The following HAGH variants were observed in gnomAD, a reference collection of about 807,000 sequenced individuals.
The protein encoded by HAGH is hydroxyacylglutathione hydrolase, also known as hydroxyacylglutathione hydrolase, mitochondrial.
HAGH carries 29 observed loss-of-function variants against 35.1 expected under a neutral mutation model. The ratio of observed to expected loss-of-function variants is 0.83; its 90% CI spans 0.62 to 1.13. HAGH has a LOEUF of 1.13. Among genes scored for constraint, HAGH ranks in the 50% most tolerant of loss-of-function variants. The pLI, the probability that HAGH is intolerant of heterozygous loss-of-function variation, is 0.00. For missense variants in HAGH, 478 were observed against 419.6 expected (o/e 1.14, Z -1.22); for synonymous variants, 225 against 176.1 (o/e 1.28, Z -2.20).
intron 1 of HAGH, among the ~76,000 whole-genome samples, chr16:1,823,556 C>T (rs982762310): frequency 2.6e-5 from 4 of 151,512 alleles, no homozygotes; most frequent in African/African-American, 7.3e-5. Context: ...TGTGAGCCAC[C>T]GCGACCAGCC....
chr16:1,809,016 G>C lies in HAGH; in HGVS notation c.*267C>G. The C allele has an allele frequency of 2.1e-6, 1 of 470,166 alleles. No homozygotes were observed. Among genetic ancestry groups the C allele is most frequent in the Non-Finnish European group, 3.8e-6 (1 of 261,888 alleles). The allele number at this position is 470,166 out of a possible 1,614,324, so 29.1% of individuals were successfully genotyped here. ...GCCTGACCTGAAGCGTGGGTGGGGGGACTGCAGTGGCTCACGGAGGAGGAA... is the reference window on the plus strand; with the variant it reads ...GCCTGACCTGAAGCGTGGGTGGGGGCACTGCAGTGGCTCACGGAGGAGGAA... On this transcript the variant is annotated 3_prime_UTR_variant, in exon 9 of 9. Transcript: ENST00000397356.
chr16:1,814,835 T>A (rs1160741291), intron 7 of HAGH, among the ~76,000 whole-genome samples: 2 of 151,722 alleles, frequency 1.3e-5, no homozygotes, highest in Non-Finnish European at 2.9e-5. Context: ...GAGGCAGAGC[T>A]TGCAGTGAGA....
intron 3 of HAGH, 97 bp downstream of exon 3, chr16:1,822,199 GCAGA>G: frequency 1.3e-6 from 1 of 759,248 alleles, no homozygotes. Context: ...TCCTCACAAA[GCAGA>G]CAGAGCCGTG....
chr16:1,809,690 T>C (rs756052927), intron 8 of HAGH, 64 bp downstream of exon 8: 1 of 1,153,538 alleles, frequency 8.7e-7, no homozygotes, highest in Non-Finnish European at 1.3e-6. Flanking sequence ...GTACCGGCTG[T>C]GTGTGCAGCA....
chr16:1,815,708 G>A (rs1897858778), intron 7 of HAGH, among the ~76,000 whole-genome samples: 1 of 152,154 alleles, frequency 6.6e-6, no homozygotes, highest in Non-Finnish European at 1.5e-5. Flanking sequence ...TCCTCAAACT[G>A]CAATCTGTCC....
At chr16:1,827,079 G>A (rs1898476086), upstream of HAGH, 39 of 1,096,752 alleles carry the variant, frequency 3.6e-5, 1 homozygote, top group South Asian at 6.2e-4. Context: ...GATCCCTGGA[G>A]GCCGAGCGCC....
rs1272496803 is a variant in HAGH, at chr16:1,826,763, C to A, written c.25G>T (p.Gly9Cys). The A allele has an allele frequency of 3.3e-6, 4 of 1,209,302 alleles. No individual in the cohort carries two copies. The highest frequency in any genetic ancestry group is 4.1e-6 in the Non-Finnish European group (4 of 973,442). 74.9% of individuals were successfully genotyped at this position (1,209,302 alleles called of 1,614,324 possible). MVVGRGLL[G>C]RRSLAALGAA... ...CCCAGCGCGGCGAGGCTGCGGCGGC[C>A]GAGCAGCCCTCGGCCCACCACCATG... Residue 9 changes from glycine to cysteine, a missense_variant, in exon 1 of 9, where the codon GGC (glycine) becomes TGC (cysteine). Gly to Cys is a radical substitution (Grantham distance 159). Transcript: ENST00000397356.
At chr16:1,812,214 A>AAT (rs1411210903) in intron 7 of HAGH, 1 of 150,112 alleles carries the variant, frequency 6.7e-6, no homozygotes, top group East Asian at 2.0e-4. Flanking sequence ...AAAAAAAAAA[A>AAT]AGAATGACAG....
At chr16:1,825,489 T>G (rs1258817357) in intron 1 of HAGH, among the ~76,000 whole-genome samples, 1 of 152,202 alleles carries the variant, frequency 6.6e-6, no homozygotes, top group Non-Finnish European at 1.5e-5. Context: ...CTTGCTGTTT[T>G]GTAACTGTAA....
At chr16:1,820,880 C>A (rs1482470295) in intron 3 of HAGH, among the ~76,000 whole-genome samples, 1 of 152,200 alleles carries the variant, frequency 6.6e-6, no homozygotes, top group Non-Finnish European at 1.5e-5. Context: ...GTGAGCAAAC[C>A]CCACCCCGCT....
At chr16:1,822,736 G>A (rs920594193) in intron 2 of HAGH, 129 bp downstream of exon 2, 14 of 764,590 alleles carry the variant, frequency 1.8e-5, no homozygotes, top group Middle Eastern at 3.8e-4. Flanking sequence ...TGTTAACAGA[G>A]TGGCCGGAGA....
intron 1 of HAGH, among the ~76,000 whole-genome samples, chr16:1,825,771 C>T (rs971704663): frequency 1.3e-4 from 20 of 152,190 alleles, no homozygotes; most frequent in Non-Finnish European, 1.5e-5. Flanking sequence ...GATGAGGTCT[C>T]AACATGTTGC....
chr16:1,813,035 TCTC>T (rs1203246328), intron 7 of HAGH, among the ~76,000 whole-genome samples: 3 of 152,160 alleles, frequency 2.0e-5, no homozygotes, highest in Admixed American at 6.6e-5. Context: ...GCCACTCCCT[TCTC>T]CTGGGTGTTC....
At chr16:1,818,612 C>T (rs56667785) in intron 5 of HAGH, 14,094 of 154,556 alleles carry the variant, frequency 0.091, 797 homozygotes, top group African/African-American at 0.16. Flanking sequence ...GCAGCCCCCA[C>T]CACCAGCAGC....
chr16:1,813,400 G>A (rs767534538), intron 7 of HAGH, among the ~76,000 whole-genome samples: 17 of 152,188 alleles, frequency 1.1e-4, no homozygotes, highest in East Asian at 3.9e-4. Context: ...TAAGTCACCC[G>A]GCCTCAAGTA....
Position 1,809,590 on chromosome 16 carries a change from G to T in HAGH, c.827+164C>A, listed in dbSNP as rs187265030. ...CACCCCGGCCAAGGTGCCAGGAAAG[G>T]CCGGACCCCCCTCAAGAAGAGTGCT... On this transcript the variant is annotated intron_variant, in intron 8 of 8. Coordinates refer to ENST00000397356, the MANE Select transcript of HAGH (RefSeq NM_005326.6). 5.5e-4 allele frequency: 380 copies of T among 691,300 alleles called. 3 individuals carry two copies. The East Asian group carries it at 9.2e-3, about 17-fold the overall frequency. The allele number at this position is 691,300 out of a possible 1,614,324, so 42.8% of individuals were successfully genotyped here.
rs576964438 is a variant in HAGH at position 1,816,423 on chromosome 16, C to T, written c.747+470G>A. On this transcript the variant is annotated intron_variant, in intron 7 of 8. Transcript: ENST00000397356. Reference sequence around the variant, plus strand: ...GAGCCCACGCCTGAGACCACCCAGGCGTGCGTGCTTGTGACACCGTTTCCA... The same window carrying T: ...GAGCCCACGCCTGAGACCACCCAGGTGTGCGTGCTTGTGACACCGTTTCCA... 2.5e-3 allele frequency among the ~76,000 whole-genome samples: 379 copies of T among 152,250 alleles called. 3 individuals are homozygous for T. The highest frequency in any genetic ancestry group is 4.1e-4 in the Non-Finnish European group (28 of 68,004).
At chr16:1,813,994 G>T (rs1301004895) in intron 7 of HAGH, among the ~76,000 whole-genome samples, 1 of 152,198 alleles carries the variant, frequency 6.6e-6, no homozygotes. Context: ...GGATCACACT[G>T]CGAGAGGGTG....
rs944369926 is a variant in HAGH at position 1,816,980 on chromosome 16, G to C, written c.660C>G (p.Gly220=). 15 of 1,610,888 alleles carry C rather than the reference G, an allele frequency of 9.3e-6. No homozygotes were observed. Among genetic ancestry groups the C allele is most frequent in the Non-Finnish European group, 1.3e-5 (15 of 1,177,120 alleles). ...TGAGGTTGTTGATGGTGTACTCGTGGCCACAGTAGACTCTCTGAGGAGAGA... is the reference window on the plus strand; with the variant it reads ...TGAGGTTGTTGATGGTGTACTCGTGCCCACAGTAGACTCTCTGAGGAGAGA... The part of the protein sequence containing the change: ...RLPPDTRVYC[G]HEYTINNLKF... Residue 220 remains glycine (G), a synonymous_variant, in exon 7 of 9, where the codon GGC becomes GGG. Transcript: ENST00000397356.
Sources: allele counts gnomAD v4.1 joint callset (sites outside exome capture counted in the v4.1 genomes callset), GRCh38; gene constraint gnomAD v4.1.1; transcripts MANE v1.5; gene names NCBI Gene and HGNC (gene_info 2026-07-23, HGNC 2026-07-21).